ATXN7L1: variants seen among roughly 807,000 people sequenced by gnomAD.
The protein encoded by ATXN7L1 is ataxin-7-like protein 1.
A neutral mutation model predicts 70.8 loss-of-function variants in ATXN7L1; 15 were observed. The observed-to-expected ratio is 0.21, with a 90% CI of 0.14 to 0.33. ATXN7L1 has a LOEUF of 0.33. Among genes scored for constraint, ATXN7L1 ranks in the 10% least tolerant of loss-of-function variants. The pLI is 1.00. For synonymous variants in ATXN7L1, 440 were observed against 445.1 expected, an observed-to-expected ratio of 0.99 and a Z score of 0.14; for missense variants, 975 against 1,097.1, an observed-to-expected ratio of 0.89 and a Z score of 1.57.
chr7:105,610,922 C>T (rs1268119770), intron 10 of ATXN7L1, among the ~76,000 whole-genome samples: 2 of 152,222 alleles, frequency 1.3e-5, no homozygotes, highest in Non-Finnish European at 2.9e-5. Context: ...CTCCTGGGAG[C>T]TTCACTCAGC....
intron 2 of ATXN7L1, among the ~76,000 whole-genome samples, chr7:105,796,112 C>T (rs746623121): frequency 1.3e-5 from 2 of 152,174 alleles, no homozygotes; most frequent in Non-Finnish European, 2.9e-5. Flanking sequence ...CGCCTGTAAT[C>T]CCAGCACTTT....
chr7:105,770,082 G>A (rs1380709830), intron 3 of ATXN7L1, among the ~76,000 whole-genome samples: 1 of 152,246 alleles, frequency 6.6e-6, no homozygotes, highest in African/African-American at 2.4e-5. Flanking sequence ...ATCAAGATCT[G>A]ACTGGTGCAT....
intron 3 of ATXN7L1, among the ~76,000 whole-genome samples, chr7:105,787,359 C>T (rs1458147557): frequency 6.6e-6 from 1 of 152,156 alleles, no homozygotes. Context: ...AAACCTCCTC[C>T]TATAGCGCTT....
At chr7:105,734,076 C>T (rs1040627340) in intron 3 of ATXN7L1, among the ~76,000 whole-genome samples, 2 of 152,188 alleles carry the variant, frequency 1.3e-5, no homozygotes, top group Non-Finnish European at 2.9e-5. Context: ...GATTGTTAAC[C>T]CTCCTAATGG....
At chr7:105,819,303 T>G (rs1490303600) in intron 2 of ATXN7L1, among the ~76,000 whole-genome samples, 1 of 152,168 alleles carries the variant, frequency 6.6e-6, no homozygotes, top group Non-Finnish European at 1.5e-5. Flanking sequence ...AGTGATAGCC[T>G]CATACGAGTT....
At chr7:105,782,601 G>A (rs1803688412) in intron 3 of ATXN7L1, among the ~76,000 whole-genome samples, 1 of 152,208 alleles carries the variant, frequency 6.6e-6, no homozygotes, top group Non-Finnish European at 1.5e-5. Context: ...AAGGACTGTG[G>A]CCAGCCCTGG....
chr7:105,864,980 C>T (rs1368863068), intron 2 of ATXN7L1, among the ~76,000 whole-genome samples: 2 of 152,190 alleles, frequency 1.3e-5, no homozygotes, highest in Middle Eastern at 3.2e-3. Flanking sequence ...CCAGTCCAAT[C>T]CCTTTGTCTT....
intron 2 of ATXN7L1, among the ~76,000 whole-genome samples, chr7:105,837,451 GA>G (rs36089046): frequency 0.014 from 1,980 of 138,164 alleles, 16 homozygotes; most frequent in Non-Finnish European, 0.018. Flanking sequence ...GTTAAAATGT[GA>G]AAAAAAAAAA....
intron 4 of ATXN7L1, among the ~76,000 whole-genome samples, chr7:105,645,456 G>A (rs1036288239): frequency 2.6e-5 from 4 of 151,892 alleles, no homozygotes; most frequent in African/African-American, 9.7e-5. Flanking sequence ...GAGGTCAGGA[G>A]TTCAAGAGCA....
intron 3 of ATXN7L1, among the ~76,000 whole-genome samples, chr7:105,728,719 C>A (rs1355741598): frequency 6.6e-6 from 1 of 152,112 alleles, no homozygotes; most frequent in Middle Eastern, 3.2e-3. Context: ...ATGGCTGATT[C>A]TGGGGCAGAG....
chr7:105,793,120 C>G (rs991212748), intron 2 of ATXN7L1, among the ~76,000 whole-genome samples: 1 of 152,214 alleles, frequency 6.6e-6, no homozygotes, highest in African/African-American at 2.4e-5. Context: ...TTACGTAGAA[C>G]AACATCCCAT....
chr7:105,743,562 G>A (rs1202699193), intron 3 of ATXN7L1, among the ~76,000 whole-genome samples: 1 of 148,596 alleles, frequency 6.7e-6, no homozygotes, highest in African/African-American at 2.5e-5. Flanking sequence ...CACTCAGGGC[G>A]ACACTGAGAA....
At chr7:105,724,249 T>C (rs896716646) in intron 3 of ATXN7L1, among the ~76,000 whole-genome samples, 1 of 152,168 alleles carries the variant, frequency 6.6e-6, no homozygotes, top group Admixed American at 6.5e-5. Context: ...GTGTGAAAGC[T>C]GATAATTTTC....
chr7:105,610,950 A>G (rs1383870588), intron 10 of ATXN7L1, among the ~76,000 whole-genome samples: 2 of 152,122 alleles, frequency 1.3e-5, no homozygotes, highest in Non-Finnish European at 2.9e-5. Flanking sequence ...GGGCTTTTCT[A>G]CCTGTGGCCA....
At chr7:105,724,979 C>T (rs1369046095) in intron 3 of ATXN7L1, among the ~76,000 whole-genome samples, 5 of 151,982 alleles carry the variant, frequency 3.3e-5, no homozygotes, top group Non-Finnish European at 7.4e-5. Flanking sequence ...AGGCATGTAT[C>T]ACTATGCCTG....
chr7:105,699,557 C>A (rs1792179792), intron 3 of ATXN7L1, among the ~76,000 whole-genome samples: 2 of 152,214 alleles, frequency 1.3e-5, no homozygotes, highest in African/African-American at 4.8e-5. Flanking sequence ...CCTACGACTG[C>A]AGCTGTCAAA....
intron 7 of ATXN7L1, among the ~76,000 whole-genome samples, chr7:105,629,957 A>G (rs1379602643): frequency 6.6e-6 from 1 of 152,118 alleles, no homozygotes. Flanking sequence ...AGCTGGGATT[A>G]CAGGCATGCA....
intron 3 of ATXN7L1, among the ~76,000 whole-genome samples, chr7:105,732,255 AC>A (rs1385364801): frequency 6.6e-6 from 1 of 152,142 alleles, no homozygotes. Context: ...ACTAAAAAAT[AC>A]AAAAAAATTC....
chr7:105,665,043 T>C, intron 4 of ATXN7L1, 23 bp downstream of exon 4: 1 of 1,537,608 alleles, frequency 6.5e-7, no homozygotes, highest in Non-Finnish European at 8.8e-7. Context: ...AGACAGCAGC[T>C]GGCTGCCAGC....
Sources: allele counts gnomAD v4.1 joint callset (sites outside exome capture counted in the v4.1 genomes callset), GRCh38; gene constraint gnomAD v4.1.1; transcripts MANE v1.5; gene names NCBI Gene and HGNC (gene_info 2026-07-23, HGNC 2026-07-21).